Variants in NR6A1 observed in about 807,000 individuals in gnomAD.
NR6A1 encodes the protein nuclear receptor subfamily 6 group A member 1.
NR6A1 carries 7 observed loss-of-function variants against 59.1 expected under a neutral mutation model. The observed-to-expected ratio is 0.12, with a 90% CI of 0.07 to 0.22. The LOEUF is 0.22. NR6A1 is among the 10% of genes least tolerant of loss of function. The probability of loss-of-function intolerance (pLI) is 1.00; values close to 1 mark genes in which losing one functional copy is unlikely to be tolerated. For missense variants in NR6A1, 468 were observed against 611.6 expected (o/e 0.77, Z 2.48); for synonymous variants, 243 against 236.1 (o/e 1.03, Z -0.27).
At chr9:124,665,604 G>A (rs16927561) in intron 2 of NR6A1, among the ~76,000 whole-genome samples, 3,557 of 152,260 alleles carry the variant, frequency 0.023, 109 homozygotes, top group East Asian at 0.096. Flanking sequence ...ATACACAGGA[G>A]CATTAAATGT....
At chr9:124,537,982 TCCC>T (rs1287266236) in intron 6 of NR6A1, 107 bp downstream of exon 6, 2 of 783,814 alleles carry the variant, frequency 2.6e-6, no homozygotes, top group Admixed American at 2.7e-5. Flanking sequence ...TGAGTCATTA[TCCC>T]CCCAACTCAT....
intron 2 of NR6A1, among the ~76,000 whole-genome samples, chr9:124,704,025 T>C (rs1166315253): frequency 2.0e-5 from 3 of 152,208 alleles, no homozygotes; most frequent in African/African-American, 4.8e-5. Context: ...GGCTTCTCTT[T>C]GTAGGAAGAT....
intron 2 of NR6A1, chr9:124,599,088 G>A: frequency 2.8e-6 from 2 of 712,540 alleles, no homozygotes; most frequent in Non-Finnish European, 5.3e-6. Flanking sequence ...CCAGTGCCTC[G>A]CTCGTTCCAT....
At chr9:124,723,788 GTCC>G (rs1839632654) in intron 2 of NR6A1, among the ~76,000 whole-genome samples, 1 of 152,076 alleles carries the variant, frequency 6.6e-6, no homozygotes, top group Non-Finnish European at 1.5e-5. Flanking sequence ...ACATTTTACT[GTCC>G]TCATTTCATA....
chr9:124,600,707 T>C (rs1010009798), intron 2 of NR6A1, among the ~76,000 whole-genome samples: 2 of 152,168 alleles, frequency 1.3e-5, no homozygotes, highest in African/African-American at 4.8e-5. Context: ...TATGATGTTA[T>C]GAGTACTGTA....
intron 1 of NR6A1, among the ~76,000 whole-genome samples, chr9:124,741,880 G>T (rs868627091): frequency 1.3e-5 from 2 of 152,200 alleles, no homozygotes; most frequent in Admixed American, 1.3e-4. Flanking sequence ...ACTGAGGTCA[G>T]TGAAAGTGCT....
intron 2 of NR6A1, among the ~76,000 whole-genome samples, chr9:124,555,422 A>G (rs1164668937): frequency 1.3e-5 from 2 of 152,048 alleles, no homozygotes; most frequent in African/African-American, 4.8e-5. Context: ...TTTCAACCTC[A>G]CTCCTGAGTA....
intron 2 of NR6A1, among the ~76,000 whole-genome samples, chr9:124,697,906 G>A (rs1183220388): frequency 1.3e-5 from 2 of 152,184 alleles, no homozygotes; most frequent in East Asian, 1.9e-4. Context: ...TCACAGGGCT[G>A]CTTGAAGATT....
At chr9:124,569,158 C>G (rs562061980) in intron 2 of NR6A1, among the ~76,000 whole-genome samples, 25 of 152,152 alleles carry the variant, frequency 1.6e-4, no homozygotes, top group Non-Finnish European at 2.2e-4. Flanking sequence ...CCCATCCCCC[C>G]CTTTAAGGAA....
chr9:124,544,768 T>C (rs940798887), intron 3 of NR6A1, among the ~76,000 whole-genome samples: 11 of 152,142 alleles, frequency 7.2e-5, no homozygotes, highest in East Asian at 1.9e-4. Flanking sequence ...GAAAGGCCAA[T>C]TGGGCCTAGA....
rs895326545 is a variant in NR6A1 at position 124,531,291 on chromosome 9, G to A, written c.1080-4391C>T. ...TAGGGCCAGGAGCAGTCACTGGCTG[G>A]TGCTACAATCTGCTTTAAATCAAAT... On this transcript the variant is annotated intron_variant, in intron 7 of 9. Coordinates refer to ENST00000487099, the MANE Select transcript of NR6A1 (RefSeq NM_033334.4). 4.6e-5 allele frequency among the ~76,000 whole-genome samples: 7 copies of A among 152,184 alleles called. No homozygotes were observed. In the East Asian group the frequency reaches 1.3e-3, roughly 29 times the overall value.
chr9:124,573,149 C>A (rs1230398299), intron 2 of NR6A1, among the ~76,000 whole-genome samples: 9 of 152,186 alleles, frequency 5.9e-5, no homozygotes, highest in Non-Finnish European at 1.3e-4. Context: ...GAGGAAAAAT[C>A]ATCTCTGAAT....
intron 7 of NR6A1, among the ~76,000 whole-genome samples, chr9:124,533,743 T>C (rs1246003569): frequency 6.6e-6 from 1 of 151,540 alleles, no homozygotes; most frequent in African/African-American, 2.4e-5. Context: ...TCCACCTCCC[T>C]GGGTTCACGC....
chr9:124,770,569 C>G (rs915759842), intron 1 of NR6A1, among the ~76,000 whole-genome samples: 1 of 149,760 alleles, frequency 6.7e-6, no homozygotes, highest in Admixed American at 6.6e-5. Context: ...GTTAAGGGAA[C>G]CCGAGTGAGG....
chr9:124,672,593 C>T (rs917879379), intron 2 of NR6A1, among the ~76,000 whole-genome samples: 17 of 151,050 alleles, frequency 1.1e-4, no homozygotes, highest in Admixed American at 1.1e-3. Flanking sequence ...CCAGCCTGGG[C>T]GACAGAGCGA....
At chr9:124,764,502 A>G (rs1490413719) in intron 1 of NR6A1, among the ~76,000 whole-genome samples, 2 of 152,362 alleles carry the variant, frequency 1.3e-5, no homozygotes, top group East Asian at 3.9e-4. Context: ...CCATGATTCT[A>G]TGAAATGTAA....
At chr9:124,716,795 C>T (rs1348304490) in intron 2 of NR6A1, among the ~76,000 whole-genome samples, 1 of 152,166 alleles carries the variant, frequency 6.6e-6, no homozygotes, top group Non-Finnish European at 1.5e-5. Flanking sequence ...CCACACCCAG[C>T]TAATTTTTGT....
At chr9:124,635,148 G>A (rs1310504897) in intron 2 of NR6A1, among the ~76,000 whole-genome samples, 1 of 152,110 alleles carries the variant, frequency 6.6e-6, no homozygotes, top group African/African-American at 2.4e-5. Flanking sequence ...AAAATCCTCT[G>A]TGCTCTGACT....
intron 2 of NR6A1, among the ~76,000 whole-genome samples, chr9:124,576,422 G>A (rs1368779398): frequency 1.3e-5 from 2 of 152,122 alleles, no homozygotes; most frequent in African/African-American, 4.8e-5. Flanking sequence ...CGAGTAGCTG[G>A]GACTACAGGC....
Sources: gnomAD v4.1 joint callset for allele counts (sites outside exome capture counted in the v4.1 genomes callset) on GRCh38, gnomAD v4.1.1 for gene constraint, MANE v1.5 for transcripts, NCBI Gene and HGNC (gene_info 2026-07-23, HGNC 2026-07-21) for gene names.